Variants in LHFPL3 observed in about 807,000 individuals in gnomAD.
LHFPL3 encodes LHFPL tetraspan subfamily member 3.
Under a neutral mutation model 19.3 loss-of-function variants are expected in LHFPL3, and 5 were observed. That is an observed-to-expected ratio of 0.26 (90% CI 0.14 to 0.54). The LOEUF (loss-of-function observed/expected upper bound fraction) is 0.54. Among genes scored for constraint, LHFPL3 ranks in the 20% least tolerant of loss-of-function variants. The pLI is 0.94. For missense variants in LHFPL3, 249 were observed against 307.4 expected, an observed-to-expected ratio of 0.81 and a Z score of 1.42; for synonymous variants, 133 against 126.2, an observed-to-expected ratio of 1.05 and a Z score of -0.36.
chr7:104,602,505 T>C (rs1395951584), intron 1 of LHFPL3, among the ~76,000 whole-genome samples: 1 of 152,226 alleles, frequency 6.6e-6, no homozygotes, highest in Admixed American at 6.5e-5. Flanking sequence ...TATGTCCATG[T>C]CCTGTAACTT....
intron 2 of LHFPL3, among the ~76,000 whole-genome samples, chr7:104,870,433 T>A (rs1200766670): frequency 1.3e-5 from 2 of 152,142 alleles, no homozygotes; most frequent in African/African-American, 2.4e-5. Context: ...AATGGGAACA[T>A]CTGTCTCCCA....
At chr7:104,332,401 T>C (rs1801587263) in intron 1 of LHFPL3, among the ~76,000 whole-genome samples, 1 of 151,760 alleles carries the variant, frequency 6.6e-6, no homozygotes, top group African/African-American at 2.4e-5. Context: ...GGCTAATTTT[T>C]TGTATTTTTA....
In LHFPL3 at chr7:104,526,456, T is replaced by C. The variant is rs538977316; in HGVS notation, c.445+197232T>C. Reference sequence around the variant, plus strand: ...ATCATAGCAATCCAAGCTCTGTAGTTACAAATGGCAAATTCATTAGCTACT... The same window carrying C: ...ATCATAGCAATCCAAGCTCTGTAGTCACAAATGGCAAATTCATTAGCTACT... On this transcript the variant is annotated intron_variant, in intron 1 of 2. Coordinates refer to ENST00000424859, the MANE Select transcript of LHFPL3 (RefSeq NM_199000.3). Among the ~76,000 whole-genome samples, 4 of 152,334 alleles carry C rather than the reference T, an allele frequency of 2.6e-5. No individual in the cohort carries two copies. The East Asian group carries it at 7.7e-4, about 29-fold the overall frequency.
chr7:104,342,774 C>T (rs1035664370), intron 1 of LHFPL3, among the ~76,000 whole-genome samples: 1 of 152,172 alleles, frequency 6.6e-6, no homozygotes, highest in African/African-American at 2.4e-5. Context: ...TGCTATGGCC[C>T]CAGTACCCAC....
Position 104,906,256 on chromosome 7 carries a change from CA to C in LHFPL3, c.*42del. The C allele has an allele frequency of 6.3e-7, 1 of 1,589,998 alleles. No homozygotes were observed. The highest frequency in any genetic ancestry group is 1.3e-5 in the African/African-American group (1 of 74,566). On this transcript the variant is annotated 3_prime_UTR_variant, in exon 3 of 3. Transcript: ENST00000424859. ...AATAACAGCTAAACAAATCGAATAA[CA>C]GCTAAACGAATCGAATAACAGCTTT... is the stretch of plus-strand genomic sequence containing the variant.
At chr7:104,812,803 CAAAAAAAAAAAAAAA>C (rs59809377) in intron 2 of LHFPL3, among the ~76,000 whole-genome samples, 9 of 31,342 alleles carry the variant, frequency 2.9e-4, no homozygotes, top group Admixed American at 1.2e-3. Flanking sequence ...GACTCCATCT[CAAAAAAAAAAAAAAA>C]AAAAAAAAAA....
rs554432300 is a variant in LHFPL3 at position 104,468,896 on chromosome 7, T to C, written c.445+139672T>C. Among the ~76,000 whole-genome samples, 150 of 152,186 alleles carry C rather than the reference T, an allele frequency of 9.9e-4. 1 individual carries two copies. The highest frequency in any genetic ancestry group is 3.5e-3 in the African/African-American group (144 of 41,520). ...GGCTGGTCTTGAACTCCTGACCTCA[T>C]GATCCGCCTGCCTCTTCCTCCCAAA... On this transcript the variant is annotated intron_variant, in intron 1 of 2. Transcript: ENST00000424859.
chr7:104,829,110 T>C (rs1028344659), intron 2 of LHFPL3, among the ~76,000 whole-genome samples: 15 of 151,696 alleles, frequency 9.9e-5, no homozygotes, highest in African/African-American at 3.7e-4. Flanking sequence ...GGCCTAATCC[T>C]GGCCTCATGA....
chr7:104,829,353 A>C (rs1170805534), intron 2 of LHFPL3, among the ~76,000 whole-genome samples: 1 of 151,656 alleles, frequency 6.6e-6, no homozygotes, highest in Admixed American at 6.6e-5. Context: ...ATTATACTTT[A>C]AGTTTTAGGG....
intron 2 of LHFPL3, among the ~76,000 whole-genome samples, chr7:104,867,620 T>A (rs538277529): frequency 6.6e-6 from 1 of 152,252 alleles, no homozygotes; most frequent in East Asian, 1.9e-4. Flanking sequence ...CAGGACCAGA[T>A]GGAGTCACAG....
chr7:104,895,714 T>C (rs1156304669), intron 2 of LHFPL3: 1 of 152,136 alleles, frequency 6.6e-6, no homozygotes. Flanking sequence ...AAGAGAGAAG[T>C]CACAAGAGCT....
At chr7:104,739,277 A>G (rs1244913479) in intron 2 of LHFPL3, among the ~76,000 whole-genome samples, 1 of 152,214 alleles carries the variant, frequency 6.6e-6, no homozygotes, top group Non-Finnish European at 1.5e-5. Flanking sequence ...GTTTGGTATT[A>G]TTTAAACACT....
At chr7:104,595,438 T>C (rs950628781) in intron 1 of LHFPL3, among the ~76,000 whole-genome samples, 1 of 152,168 alleles carries the variant, frequency 6.6e-6, no homozygotes, top group Non-Finnish European at 1.5e-5. Flanking sequence ...GGAAGCTTTG[T>C]CCCAGAGAGG....
chr7:104,696,055 A>G lies in LHFPL3; in HGVS notation c.446-40620A>G, dbSNP rs146800756. On this transcript the variant is annotated intron_variant, in intron 1 of 2. Coordinates refer to ENST00000424859, the MANE Select transcript of LHFPL3 (RefSeq NM_199000.3). ...AACCTCCGCCTCCTGGGTTCCAGCG[A>G]TTCTCCTGCCTCAGCCTCCTGAGTA... Among the ~76,000 whole-genome samples the G allele has an allele frequency of 9.7e-3, 1,471 of 152,180 alleles. 21 individuals carry two copies. Among genetic ancestry groups the G allele is most frequent in the African/African-American group, 0.033 (1,363 of 41,506 alleles).
At chr7:104,714,093 A>G (rs1463461582) in intron 1 of LHFPL3, among the ~76,000 whole-genome samples, 1 of 152,172 alleles carries the variant, frequency 6.6e-6, no homozygotes, top group Non-Finnish European at 1.5e-5. Context: ...TTATTTATAA[A>G]CTTTTAGCTA....
chr7:104,706,751 A>T (rs1793197571), intron 1 of LHFPL3, among the ~76,000 whole-genome samples: 1 of 152,152 alleles, frequency 6.6e-6, no homozygotes, highest in Non-Finnish European at 1.5e-5. Context: ...ATTAGCCCTT[A>T]TATGGGAAAA....
intron 1 of LHFPL3, among the ~76,000 whole-genome samples, chr7:104,601,598 G>A (rs1790968778): frequency 6.6e-6 from 1 of 152,188 alleles, no homozygotes; most frequent in African/African-American, 2.4e-5. Flanking sequence ...GGGCCAAAAT[G>A]TGAATGGCCA....
intron 2 of LHFPL3, chr7:104,757,685 TA>T (rs1794310414): frequency 6.6e-6 from 1 of 152,420 alleles, no homozygotes; most frequent in South Asian, 2.1e-4. Context: ...TGGCCATTAA[TA>T]AAAAGACAAA....
intron 1 of LHFPL3, among the ~76,000 whole-genome samples, chr7:104,664,908 C>T (rs940817617): frequency 6.6e-6 from 1 of 151,060 alleles, no homozygotes; most frequent in Non-Finnish European, 1.5e-5. Flanking sequence ...GGACACAACT[C>T]TACATCATGG....
Sources: allele counts gnomAD v4.1 joint callset (sites outside exome capture counted in the v4.1 genomes callset), GRCh38; gene constraint gnomAD v4.1.1; transcripts MANE v1.5; gene names NCBI Gene and HGNC (gene_info 2026-07-23, HGNC 2026-07-21).